The following PRKAR1B variants were observed in gnomAD, a reference collection of about 807,000 sequenced individuals.
PRKAR1B encodes cAMP-dependent protein kinase type I-beta regulatory subunit.
A neutral mutation model predicts 46.5 loss-of-function variants in PRKAR1B; 22 were observed. The ratio of observed to expected loss-of-function variants is 0.47; its 90% CI spans 0.34 to 0.68. The LOEUF is 0.68. PRKAR1B is among the 30% of genes least tolerant of loss of function. The pLI, the probability that PRKAR1B is intolerant of heterozygous loss-of-function variation, is 0.01. For synonymous variants in PRKAR1B, 259 were observed against 217.7 expected, an observed-to-expected ratio of 1.19 and a Z score of -1.67; for missense variants, 445 against 535.6, an observed-to-expected ratio of 0.83 and a Z score of 1.67.
At chr7:581,583 G>T (rs1216932695) in intron 8 of PRKAR1B, among the ~76,000 whole-genome samples, 1 of 152,188 alleles carries the variant, frequency 6.6e-6, no homozygotes, top group Admixed American at 6.5e-5. Context: ...CCACATATTT[G>T]ATTAGCAAAT....
intron 9 of PRKAR1B, among the ~76,000 whole-genome samples, chr7:568,153 G>A (rs1252913629): frequency 6.6e-6 from 1 of 152,172 alleles, no homozygotes; most frequent in African/African-American, 2.4e-5. Flanking sequence ...TCTCACCCAT[G>A]CTCGGGGGTC....
intron 4 of PRKAR1B, among the ~76,000 whole-genome samples, chr7:669,631 G>T (rs1284111275): frequency 6.6e-6 from 1 of 151,804 alleles, no homozygotes; most frequent in African/African-American, 2.4e-5. Context: ...AGGTGTGGTG[G>T]CGCACACCTG....
chr7:669,358 T>C (rs901485457), intron 4 of PRKAR1B, among the ~76,000 whole-genome samples: 2 of 152,172 alleles, frequency 1.3e-5, no homozygotes, highest in African/African-American at 4.8e-5. Flanking sequence ...GACTGACTGC[T>C]GAATAAGTGT....
Position 714,850 on chromosome 7 carries a change from T to A in PRKAR1B, c.-22-3323A>T, listed in dbSNP as rs921373775. ...GCCACGGCCGTCCTCAAACCAAACC[T>A]GAGGCCCTTCCCGTATCTGGACTTC... is the stretch of plus-strand genomic sequence containing the variant. On this transcript the variant is annotated intron_variant, in intron 1 of 10. Transcript: ENST00000537384. The surrounding 1 kb of genome is among the most constrained non-coding windows in gnomAD (Gnocchi z 4.3). Among the ~76,000 whole-genome samples, 7 of 152,214 alleles carry A rather than the reference T, an allele frequency of 4.6e-5. No homozygotes were observed. The highest frequency in any genetic ancestry group is 1.4e-4 in the African/African-American group (6 of 41,456).
intron 4 of PRKAR1B, among the ~76,000 whole-genome samples, chr7:618,978 A>C (rs930093321): frequency 1.3e-5 from 2 of 152,212 alleles, no homozygotes; most frequent in African/African-American, 4.8e-5. Context: ...CCCACAACCA[A>C]GTAATGAAAT....
rs752312422 is a variant in PRKAR1B, at chr7:711,389, G to C, written c.117C>G (p.Cys39Trp). 26 of 1,614,120 alleles carry C rather than the reference G, an allele frequency of 1.6e-5. No individual in the cohort carries two copies. The highest frequency in any genetic ancestry group is 8.5e-7 in the Non-Finnish European group (1 of 1,180,038). Residue 39 changes from cysteine to tryptophan, a missense_variant, in exon 2 of 11, where the codon TGC becomes TGG. Cys to Trp is a radical substitution (Grantham distance 215). Around this residue, in one of 5 missense-constraint regions of PRKAR1B, gnomAD observed 155 missense variants for 127.5 expected, o/e 1.22. Coordinates refer to ENST00000537384, the MANE Select transcript of PRKAR1B (RefSeq NM_001164760.2). Reference sequence around the variant, plus strand: ...TCATGGGGCGTTCGGGCTTGGAGATGCAGAGGTGGACGATACAGTCTTTGA... The same window carrying C: ...TCATGGGGCGTTCGGGCTTGGAGATCCAGAGGTGGACGATACAGTCTTTGA... Reference protein sequence around the residue: ...QVLKDCIVHLCISKPERPMKF... With the variant: ...QVLKDCIVHLWISKPERPMKF...
chr7:680,797 C>G (rs977952815), intron 2 of PRKAR1B, 71 bp from the exon 3 acceptor site: 1 of 1,568,222 alleles, frequency 6.4e-7, no homozygotes, highest in African/African-American at 1.4e-5. Context: ...GGGCCCATGC[C>G]TGTGATCCCA....
intron 4 of PRKAR1B, among the ~76,000 whole-genome samples, chr7:642,006 G>C (rs1175238868): frequency 6.6e-6 from 1 of 151,978 alleles, no homozygotes; most frequent in African/African-American, 2.4e-5. Context: ...GGGTTCAAGG[G>C]ATCCGCCCTC....
At chr7:634,267 C>T (rs1464021591) in intron 4 of PRKAR1B, among the ~76,000 whole-genome samples, 1 of 152,100 alleles carries the variant, frequency 6.6e-6, no homozygotes, top group Non-Finnish European at 1.5e-5. Flanking sequence ...TGTGATCCGC[C>T]CGCCTCAGCC....
At chr7:628,227 G>T (rs541787741) in intron 4 of PRKAR1B, among the ~76,000 whole-genome samples, 12 of 152,364 alleles carry the variant, frequency 7.9e-5, no homozygotes, top group African/African-American at 2.9e-4. Flanking sequence ...TGCGGGCACC[G>T]GATCTGCCTC....
At chr7:551,365 G>A (rs1268112267) in intron 10 of PRKAR1B, 24 bp downstream of exon 10, 17 of 1,548,958 alleles carry the variant, frequency 1.1e-5, no homozygotes, top group Middle Eastern at 1.8e-4. Context: ...GCCGTGCGAG[G>A]GAGGGGACGC....
chr7:648,360 C>T (rs1784728176), intron 4 of PRKAR1B, among the ~76,000 whole-genome samples: 1 of 152,084 alleles, frequency 6.6e-6, no homozygotes, highest in Non-Finnish European at 1.5e-5. Flanking sequence ...GTCTGTCATC[C>T]CAGCACTGTG....
intron 9 of PRKAR1B, among the ~76,000 whole-genome samples, chr7:564,069 T>C (rs893808292): frequency 5.9e-5 from 9 of 152,196 alleles, no homozygotes; most frequent in Admixed American, 5.9e-4. Flanking sequence ...CTGATCCTGG[T>C]GTTCCCAAAG....
chr7:565,511 G>A (rs528966794), intron 9 of PRKAR1B: 1 of 152,366 alleles, frequency 6.6e-6, no homozygotes, highest in African/African-American at 2.4e-5. Flanking sequence ...CCCAGGGAGA[G>A]TCTCGTGCTC....
In PRKAR1B at chr7:714,313, TC is replaced by T. The variant is rs1285267259; in HGVS notation, c.-22-2787del. On this transcript the variant is annotated intron_variant, in intron 1 of 10. Transcript: ENST00000537384. The surrounding 1 kb of genome is among the most constrained non-coding windows in gnomAD (Gnocchi z 4.3). ...AGTGGAGGCACCTCTCTGGCTGACC[TC>T]ACAGGACAGCCCTCTGATCCCGAGG... Among the ~76,000 whole-genome samples, 2 of 152,164 alleles carry T rather than the reference TC, an allele frequency of 1.3e-5. No homozygotes were observed. The highest frequency in any genetic ancestry group is 2.9e-5 in the Non-Finnish European group (2 of 68,020).
chr7:561,198 C>G (rs574239907), intron 9 of PRKAR1B, among the ~76,000 whole-genome samples: 1 of 151,374 alleles, frequency 6.6e-6, no homozygotes, highest in African/African-American at 2.4e-5. Context: ...CACACACACC[C>G]CACACACATG....
chr7:727,184 T>C, intron 1 of PRKAR1B, 26 bp downstream of exon 1: 1 of 1,338,282 alleles, frequency 7.5e-7, no homozygotes, highest in Non-Finnish European at 9.6e-7. Flanking sequence ...GCCGTGGACC[T>C]GTGCGGCGCC....
chr7:634,341 A>G (rs1783923224), intron 4 of PRKAR1B, among the ~76,000 whole-genome samples: 1 of 151,966 alleles, frequency 6.6e-6, no homozygotes, highest in South Asian at 2.1e-4. Context: ...ACATTTTTCA[A>G]CTTAGCCAGG....
chr7:626,476 C>G (rs1196343714), intron 4 of PRKAR1B, among the ~76,000 whole-genome samples: 1 of 152,192 alleles, frequency 6.6e-6, no homozygotes, highest in East Asian at 1.9e-4. Flanking sequence ...GCCTGGATGA[C>G]AGAGACAGAC....
Sources: allele counts gnomAD v4.1 joint callset (sites outside exome capture counted in the v4.1 genomes callset), GRCh38; gene constraint gnomAD v4.1.1; regional missense constraint gnomAD v4.1.1; non-coding constraint Gnocchi (gnomAD v3.1); transcripts MANE v1.5; gene names NCBI Gene and HGNC (gene_info 2026-07-23, HGNC 2026-07-21).